PID1: variants seen among roughly 807,000 people sequenced by gnomAD.
The protein encoded by PID1 is PTB-containing, cubilin and LRP1-interacting protein.
In PID1, 10 loss-of-function variants were observed where a neutral mutation model predicts 19.1. The ratio of observed to expected loss-of-function variants is 0.52; its 90% confidence interval spans 0.32 to 0.89. The LOEUF (loss-of-function observed/expected upper bound fraction) is 0.89, where lower values mean the gene tolerates loss of function less well. Ranked by LOEUF, PID1 falls within the 40% of genes least tolerant of loss-of-function variation. PID1 has a pLI of 0.03. For missense variants in PID1, 248 were observed against 285.3 expected, an observed-to-expected ratio of 0.87 and a Z score of 0.94; for synonymous variants, 130 against 116.0, an observed-to-expected ratio of 1.12 and a Z score of -0.78.
intron 2 of PID1, among the ~76,000 whole-genome samples, chr2:229,144,162 G>T (rs1690076886): frequency 6.6e-6 from 1 of 152,086 alleles, no homozygotes; most frequent in Non-Finnish European, 1.5e-5. Context: ...GATATAAAAG[G>T]CACACAATGT....
At chr2:229,137,261 AATG>A (rs2106174585) in intron 2 of PID1, among the ~76,000 whole-genome samples, 1 of 152,330 alleles carries the variant, frequency 6.6e-6, no homozygotes, top group African/African-American at 2.4e-5. Context: ...GAGAGAATAG[AATG>A]ATTTCTGTCA....
At chr2:229,052,062 T>C (rs986444191) in intron 2 of PID1, among the ~76,000 whole-genome samples, 1 of 152,178 alleles carries the variant, frequency 6.6e-6, no homozygotes, top group African/African-American at 2.4e-5. Context: ...CAGGCTTTCA[T>C]TGCTGGTCCT....
chr2:229,158,867 C>A (rs1354242970), intron 1 of PID1, among the ~76,000 whole-genome samples: 1 of 149,436 alleles, frequency 6.7e-6, no homozygotes, highest in Admixed American at 6.8e-5. Context: ...TTTGTGGGAT[C>A]TAAAAATAAA....
chr2:229,137,898 G>C (rs763079523), intron 2 of PID1, among the ~76,000 whole-genome samples: 3 of 152,196 alleles, frequency 2.0e-5, no homozygotes, highest in East Asian at 1.9e-4. Context: ...ATTCACAAGA[G>C]AGACTGTGCA....
intron 1 of PID1, chr2:229,245,202 T>C (rs1689969555): frequency 1.3e-5 from 2 of 152,158 alleles, no homozygotes; most frequent in South Asian, 4.1e-4. Context: ...CACTCCCTTT[T>C]TCCTGTGTTC....
chr2:229,067,294 G>A (rs1010179292), intron 2 of PID1, among the ~76,000 whole-genome samples: 1 of 152,082 alleles, frequency 6.6e-6, no homozygotes, highest in South Asian at 2.1e-4. Context: ...GATTTGGGTG[G>A]GGACACAGAG....
intron 2 of PID1, among the ~76,000 whole-genome samples, chr2:229,142,289 G>C (rs1056362917): frequency 2.6e-5 from 4 of 152,068 alleles, no homozygotes; most frequent in African/African-American, 9.7e-5. Context: ...ATACAAGAAA[G>C]GAAAGTTCAA....
intron 1 of PID1, among the ~76,000 whole-genome samples, chr2:229,232,972 A>G (rs998079645): frequency 1.3e-5 from 2 of 152,072 alleles, no homozygotes; most frequent in African/African-American, 4.8e-5. Context: ...CTGCTTTTCC[A>G]TATCATAGTA....
chr2:229,115,760 A>G (rs1453898744), intron 2 of PID1, among the ~76,000 whole-genome samples: 3 of 152,174 alleles, frequency 2.0e-5, no homozygotes, highest in Non-Finnish European at 4.4e-5. Flanking sequence ...TACTTTCAAT[A>G]TTTTAATTTG....
chr2:229,189,425 T>G (rs1302070981), intron 1 of PID1, among the ~76,000 whole-genome samples: 1 of 152,246 alleles, frequency 6.6e-6, no homozygotes, highest in Non-Finnish European at 1.5e-5. Flanking sequence ...CTGGCTGCAG[T>G]GGCTCATGCC....
chr2:229,204,900 G>A (rs966365584), intron 1 of PID1, among the ~76,000 whole-genome samples: 2 of 151,986 alleles, frequency 1.3e-5, no homozygotes, highest in Non-Finnish European at 2.9e-5. Context: ...TCAGATTTAT[G>A]GTGTGAAACT....
At chr2:229,129,452 T>G (rs1454121874) in intron 2 of PID1, among the ~76,000 whole-genome samples, 1 of 151,886 alleles carries the variant, frequency 6.6e-6, no homozygotes, top group African/African-American at 2.4e-5. Flanking sequence ...GCTCATTTAT[T>G]GCAAATTCCA....
chr2:229,199,777 TACAC>T (rs757661569), intron 1 of PID1, among the ~76,000 whole-genome samples: 2 of 148,274 alleles, frequency 1.3e-5, no homozygotes, highest in Non-Finnish European at 3.0e-5. Context: ...CATATATATA[TACAC>T]ACACACATAT....
At chr2:229,076,992 A>C (rs576646982) in intron 2 of PID1, among the ~76,000 whole-genome samples, 2 of 152,124 alleles carry the variant, frequency 1.3e-5, no homozygotes, top group South Asian at 4.2e-4. Flanking sequence ...CAATGGTTGA[A>C]CTCATTCACA....
chr2:229,069,425 C>T (rs1167126660), intron 2 of PID1, among the ~76,000 whole-genome samples: 1 of 151,882 alleles, frequency 6.6e-6, no homozygotes, highest in African/African-American at 2.4e-5. Flanking sequence ...AGTCACAGGG[C>T]CAGAACTTAC....
intron 2 of PID1, among the ~76,000 whole-genome samples, chr2:229,130,845 C>G (rs1689723257): frequency 6.6e-6 from 1 of 152,188 alleles, no homozygotes; most frequent in Non-Finnish European, 1.5e-5. Context: ...GCTAGAAATC[C>G]AAGCTCAAGG....
intron 1 of PID1, among the ~76,000 whole-genome samples, chr2:229,194,821 T>C (rs1691338403): frequency 6.6e-6 from 1 of 152,010 alleles, no homozygotes; most frequent in Non-Finnish European, 1.5e-5. Context: ...AACATTCCTA[T>C]ATTACAAATA....
At chr2:229,070,134 C>T (rs1574604046) in intron 2 of PID1, among the ~76,000 whole-genome samples, 1 of 152,152 alleles carries the variant, frequency 6.6e-6, no homozygotes, top group Admixed American at 6.6e-5. Flanking sequence ...TTTGGATATG[C>T]ACTGTAATCT....
chr2:229,164,340 C>A (rs970831548), intron 1 of PID1, among the ~76,000 whole-genome samples: 2 of 152,074 alleles, frequency 1.3e-5, no homozygotes, highest in Non-Finnish European at 2.9e-5. Flanking sequence ...GAATTGACTC[C>A]TACCTGTATT....
Sources: allele counts gnomAD v4.1 joint callset (sites outside exome capture counted in the v4.1 genomes callset), GRCh38; gene constraint gnomAD v4.1.1; transcripts MANE v1.5; gene names NCBI Gene and HGNC (gene_info 2026-07-23, HGNC 2026-07-21).